Variants in RIC1 observed in about 807,000 individuals in gnomAD.
The protein encoded by RIC1 is RIC1 partner of RAB6A GEF complex, also known as guanine nucleotide exchange factor subunit RIC1.
In RIC1, 88 loss-of-function variants were observed where a neutral mutation model predicts 169.0. The ratio of observed to expected loss-of-function variants is 0.52; its 90% CI spans 0.44 to 0.62. The LOEUF is 0.62. RIC1 is among the 20% of genes least tolerant of loss of function. The probability of loss-of-function intolerance (pLI) is 0.00; values close to 1 mark genes in which losing one functional copy is unlikely to be tolerated. For synonymous variants in RIC1, 790 were observed against 601.5 expected (o/e 1.31, Z -4.59); for missense variants, 1,877 against 1,725.5 (o/e 1.09, Z -1.56).
intron 2 of RIC1, among the ~76,000 whole-genome samples, chr9:5,656,981 C>T (rs942320464): frequency 1.3e-5 from 2 of 151,170 alleles, no homozygotes; most frequent in African/African-American, 2.4e-5. Context: ...AACTGCTTTA[C>T]TAATTATTCT....
At chr9:5,757,217 C>A in intron 16 of RIC1, 96 bp from the exon 17 acceptor site, 1 of 1,377,148 alleles carries the variant, frequency 7.3e-7, no homozygotes, top group Non-Finnish European at 1.0e-6. Flanking sequence ...TCTGAGTCTT[C>A]CATAAGCATG....
intron 6 of RIC1, among the ~76,000 whole-genome samples, chr9:5,724,577 C>A (rs1354201564): frequency 6.6e-6 from 1 of 152,148 alleles, no homozygotes; most frequent in Non-Finnish European, 1.5e-5. Context: ...ATTGCTCTGG[C>A]CAGAACTTCC....
chr9:5,679,281 C>A (rs897554922), intron 2 of RIC1, among the ~76,000 whole-genome samples: 2 of 152,162 alleles, frequency 1.3e-5, no homozygotes, highest in African/African-American at 2.4e-5. Context: ...TGTGATGCCT[C>A]CAGCTTTGTT....
chr9:5,629,740 G>C (rs1817626559), intron 1 of RIC1, among the ~76,000 whole-genome samples: 1 of 152,210 alleles, frequency 6.6e-6, no homozygotes, highest in Non-Finnish European at 1.5e-5. Flanking sequence ...ACGCTCCCCG[G>C]CCGAGCCCAG....
At chr9:5,741,235 T>C (rs1825066710) in intron 8 of RIC1, among the ~76,000 whole-genome samples, 1 of 152,220 alleles carries the variant, frequency 6.6e-6, no homozygotes, top group Non-Finnish European at 1.5e-5. Context: ...TAGATTGGTC[T>C]TTATAGCTAC....
At chr9:5,657,926 C>A (rs1024552122) in intron 2 of RIC1, among the ~76,000 whole-genome samples, 1 of 152,024 alleles carries the variant, frequency 6.6e-6, no homozygotes, top group Non-Finnish European at 1.5e-5. Flanking sequence ...TACTGGGGCA[C>A]GAAAATCCTC....
intron 2 of RIC1, among the ~76,000 whole-genome samples, chr9:5,661,954 A>T (rs551970574): frequency 6.6e-6 from 1 of 152,012 alleles, no homozygotes; most frequent in Non-Finnish European, 1.5e-5. Flanking sequence ...TCATTATGAT[A>T]TTGGCTGTGG....
intron 3 of RIC1, among the ~76,000 whole-genome samples, chr9:5,702,226 T>G (rs1822264326): frequency 6.6e-6 from 1 of 152,216 alleles, no homozygotes; most frequent in South Asian, 2.1e-4. Context: ...ACTTTCAGTG[T>G]ATTATTGAGG....
chr9:5,642,930 A>T, intron 1 of RIC1, among the ~76,000 whole-genome samples: 1 of 152,200 alleles, frequency 6.6e-6, no homozygotes, highest in East Asian at 1.9e-4. Context: ...AAATAAATGA[A>T]TTTATACTTT....
intron 3 of RIC1, 55 bp from the exon 4 acceptor site, chr9:5,713,841 C>A: frequency 8.4e-7 from 1 of 1,197,110 alleles, no homozygotes; most frequent in South Asian, 1.3e-5. Flanking sequence ...GTGTATTAGC[C>A]ACAGAATGGA....
Position 5,694,753 on chromosome 9 carries a change from A to G in RIC1, c.332+4715A>G, listed in dbSNP as rs570177638. 4.0e-5 allele frequency among the ~76,000 whole-genome samples: 6 copies of G among 150,732 alleles called. No individual in the cohort carries two copies. The East Asian group carries it at 5.8e-4, about 15-fold the overall frequency. On this transcript the variant is annotated intron_variant, in intron 3 of 25. Coordinates refer to ENST00000414202, the MANE Select transcript of RIC1 (RefSeq NM_020829.4). The stretch of plus-strand genomic sequence containing the variant: ...TTCTGTCAGACTGGAGGCTGTCTCA[A>G]TGTGTGATAATATAAACGATAAGCA...
chr9:5,759,206 A>G (rs1167146862), intron 17 of RIC1, among the ~76,000 whole-genome samples: 1 of 152,240 alleles, frequency 6.6e-6, no homozygotes, highest in Non-Finnish European at 1.5e-5. Context: ...GACAATTTAA[A>G]AATCATTTTG....
At position 5,770,291 on chromosome 9, in the gene RIC1, T is replaced by G; in HGVS notation, c.3616+13T>G. The G allele has an allele frequency of 1.9e-6, 3 of 1,606,612 alleles. No homozygotes were observed. Among genetic ancestry groups the G allele is most frequent in the Non-Finnish European group, 2.6e-6 (3 of 1,175,000 alleles). ...TTATCTAATAAAGGTAAATGTAATT[T>G]TAAATCCTAGCTCTTCAGTTCCTTT... is the stretch of plus-strand genomic sequence containing the variant. On this transcript the variant is annotated intron_variant, in intron 23 of 25. Coordinates refer to ENST00000414202, the MANE Select transcript of RIC1 (RefSeq NM_020829.4).
intron 4 of RIC1, among the ~76,000 whole-genome samples, chr9:5,717,662 T>G (rs898849539): frequency 2.0e-5 from 3 of 146,988 alleles, no homozygotes; most frequent in Non-Finnish European, 4.5e-5. Context: ...CTGGCCAACA[T>G]GGTGAAACCT....
chr9:5,773,002 C>G lies in RIC1; in HGVS notation c.3905C>G (p.Ser1302Cys), dbSNP rs764275887. The change falls in exon 25 of 26, where the codon TCT (serine) becomes TGT (cysteine). Residue 1302 changes from serine (S) to cysteine (C), a missense_variant. Transcript: ENST00000414202. ...IINQILVITQ[S>C]SEVDGEMLQN... ...AATCAGATTTTGGTTATTACACAGT[C>G]TTCAGAGGTAGATGGAGAGATGTTA... 1 of 1,613,674 alleles carries G rather than the reference C, an allele frequency of 6.2e-7. No homozygotes were observed. Among genetic ancestry groups the G allele is most frequent in the East Asian group, 2.2e-5 (1 of 44,854 alleles).
chr9:5,691,127 A>G (rs991983806), intron 3 of RIC1, among the ~76,000 whole-genome samples: 1 of 151,996 alleles, frequency 6.6e-6, no homozygotes, highest in Non-Finnish European at 1.5e-5. Flanking sequence ...CTTCTCTTAT[A>G]GTGATATGTA....
chr9:5,717,485 C>T (rs80236679), intron 4 of RIC1, among the ~76,000 whole-genome samples: 1 of 152,204 alleles, frequency 6.6e-6, no homozygotes, highest in East Asian at 1.9e-4. Flanking sequence ...TTAATGCAAG[C>T]AGAAAGCTGA....
intron 3 of RIC1, among the ~76,000 whole-genome samples, chr9:5,703,363 C>T (rs1822355152): frequency 6.6e-6 from 1 of 152,186 alleles, no homozygotes. Context: ...GACTCCATGT[C>T]TCACATAGCA....
chr9:5,648,590 A>C (rs1294627522), intron 1 of RIC1, among the ~76,000 whole-genome samples: 1 of 152,146 alleles, frequency 6.6e-6, no homozygotes, highest in African/African-American at 2.4e-5. Flanking sequence ...CTTTTCGAGA[A>C]ATCTTCATAC....
Sources: gnomAD v4.1 joint callset for allele counts (sites outside exome capture counted in the v4.1 genomes callset) on GRCh38, gnomAD v4.1.1 for gene constraint, MANE v1.5 for transcripts, NCBI Gene and HGNC (gene_info 2026-07-23, HGNC 2026-07-21) for gene names.